PCSK2: variants seen among roughly 807,000 people sequenced by gnomAD.
PCSK2 encodes neuroendocrine convertase 2.
Under a neutral mutation model 69.7 loss-of-function variants are expected in PCSK2, and 14 were observed. That is an observed-to-expected ratio of 0.20 (90% confidence interval 0.13 to 0.31). The LOEUF (loss-of-function observed/expected upper bound fraction) is 0.31, where lower values mean the gene tolerates loss of function less well. Among genes scored for constraint, PCSK2 ranks in the 10% least tolerant of loss-of-function variants. The pLI, the probability that PCSK2 is intolerant of heterozygous loss-of-function variation, is 1.00. For synonymous variants in PCSK2, 307 were observed against 320.7 expected, an observed-to-expected ratio of 0.96 and a Z score of 0.46; for missense variants, 544 against 842.5, an observed-to-expected ratio of 0.65 and a Z score of 4.39.
intron 6 of PCSK2, among the ~76,000 whole-genome samples, chr20:17,417,041 G>A (rs2032015316): frequency 6.7e-6 from 1 of 149,508 alleles, no homozygotes; most frequent in African/African-American, 2.4e-5. Context: ...GCAGACTGGG[G>A]GAGGGGTAGC....
intron 1 of PCSK2, among the ~76,000 whole-genome samples, chr20:17,254,108 G>A (rs1014337722): frequency 2.6e-5 from 4 of 152,070 alleles, no homozygotes; most frequent in Non-Finnish European, 5.9e-5. Context: ...ATTCCTGTGC[G>A]AGATCCTTAT....
intron 8 of PCSK2, among the ~76,000 whole-genome samples, chr20:17,440,520 A>T (rs753583385): frequency 3.3e-5 from 5 of 152,198 alleles, no homozygotes; most frequent in Non-Finnish European, 7.3e-5. Flanking sequence ...TCTGTGTTGA[A>T]GAAACAGAGG....
At chr20:17,458,565 G>C (rs2032963055) in intron 10 of PCSK2, among the ~76,000 whole-genome samples, 1 of 152,204 alleles carries the variant, frequency 6.6e-6, no homozygotes, top group Non-Finnish European at 1.5e-5. Flanking sequence ...TGAGAGCCCA[G>C]AGGGATGAGG....
At chr20:17,475,221 A>G (rs533523524) in intron 11 of PCSK2, among the ~76,000 whole-genome samples, 2 of 151,712 alleles carry the variant, frequency 1.3e-5, no homozygotes, top group Non-Finnish European at 2.9e-5. Flanking sequence ...GGTTTTATGT[A>G]TTCTTATTTC....
intron 7 of PCSK2, among the ~76,000 whole-genome samples, chr20:17,431,174 A>T (rs1176235046): frequency 6.6e-6 from 1 of 152,158 alleles, no homozygotes; most frequent in Non-Finnish European, 1.5e-5. Context: ...AGGCCAACGA[A>T]GTGAGTCTCA....
chr20:17,241,667 T>C (rs1986577371), intron 1 of PCSK2, among the ~76,000 whole-genome samples: 2 of 152,186 alleles, frequency 1.3e-5, no homozygotes, highest in South Asian at 4.1e-4. Context: ...TTAATTATTG[T>C]CCTTGTAGTC....
At chr20:17,286,382 G>A (rs1419569307) in intron 2 of PCSK2, among the ~76,000 whole-genome samples, 1 of 152,226 alleles carries the variant, frequency 6.6e-6, no homozygotes, top group East Asian at 1.9e-4. Context: ...GCAGGAGGAA[G>A]AATGTTAGAG....
In PCSK2 at chr20:17,396,285, C is replaced by T. The variant is rs147260524; in HGVS notation, c.544-12978C>T. 3.2e-3 allele frequency among the ~76,000 whole-genome samples: 485 copies of T among 152,284 alleles called. 1 individual carries two copies. Among genetic ancestry groups the T allele is most frequent in the Non-Finnish European group, 4.3e-3 (291 of 68,010 alleles). ...CTCCAAGAATCAGGCTTCAATTGTA[C>T]TTTGAGCCAGCTACACTGGGCCCCT... is the stretch of plus-strand genomic sequence containing the variant. On this transcript the variant is annotated intron_variant, in intron 5 of 11. Transcript: ENST00000262545.
intron 2 of PCSK2, among the ~76,000 whole-genome samples, chr20:17,323,561 G>T (rs543491869): frequency 2.6e-5 from 4 of 152,130 alleles, no homozygotes; most frequent in African/African-American, 9.7e-5. Context: ...GTGGAGCCAG[G>T]GTTCTAACTT....
intron 2 of PCSK2, among the ~76,000 whole-genome samples, chr20:17,277,896 A>C (rs1988152040): frequency 6.6e-6 from 1 of 152,170 alleles, no homozygotes; most frequent in Non-Finnish European, 1.5e-5. Flanking sequence ...AACCCCATCA[A>C]AAAGTGGGCG....
At chr20:17,235,815 T>A (rs564339829) in intron 1 of PCSK2, among the ~76,000 whole-genome samples, 1 of 152,116 alleles carries the variant, frequency 6.6e-6, no homozygotes, top group East Asian at 1.9e-4. Context: ...AAAAAGTGAA[T>A]CCTTCCATTT....
At chr20:17,372,413 AAATAAATAAATAAAT>A (rs2030796876) in intron 5 of PCSK2, among the ~76,000 whole-genome samples, 1 of 150,154 alleles carries the variant, frequency 6.7e-6, no homozygotes, top group African/African-American at 2.4e-5. Flanking sequence ...ATAAATAAAT[AAATAAATAAATAAAT>A]AAAAATAAAA....
chr20:17,309,699 T>A (rs770698390), intron 2 of PCSK2, among the ~76,000 whole-genome samples: 84 of 152,120 alleles, frequency 5.5e-4, no homozygotes, highest in Non-Finnish European at 7.8e-4. Context: ...GTGCCTGTAA[T>A]CCCTGCTACT....
At chr20:17,461,500 T>C (rs917876013) in intron 10 of PCSK2, among the ~76,000 whole-genome samples, 1 of 152,142 alleles carries the variant, frequency 6.6e-6, no homozygotes, top group Non-Finnish European at 1.5e-5. Context: ...CAGATAAAGA[T>C]CAGATCCAAC....
At chr20:17,370,862 T>C (rs2030737942) in intron 5 of PCSK2, among the ~76,000 whole-genome samples, 1 of 152,174 alleles carries the variant, frequency 6.6e-6, no homozygotes, top group South Asian at 2.1e-4. Context: ...TGCATTGCAT[T>C]TTCTCCAAGG....
Position 17,416,993 on chromosome 20 carries a change from C to T in PCSK2, c.620+7654C>T, listed in dbSNP as rs368588266. Reference sequence around the variant, plus strand: ...ACAATGAGAACACTTGGACACAGGGCGGGGAACATCACACACCAGGGCCTG... The same window carrying T: ...ACAATGAGAACACTTGGACACAGGGTGGGGAACATCACACACCAGGGCCTG... On this transcript the variant is annotated intron_variant, in intron 6 of 11. Coordinates refer to ENST00000262545, the MANE Select transcript of PCSK2 (RefSeq NM_002594.5). Among the ~76,000 whole-genome samples the T allele has an allele frequency of 4.6e-5, 7 of 151,980 alleles. No individual in the cohort carries two copies. The East Asian group carries it at 5.8e-4, about 13-fold the overall frequency.
At chr20:17,249,550 C>T (rs1391527497) in intron 1 of PCSK2, among the ~76,000 whole-genome samples, 1 of 151,514 alleles carries the variant, frequency 6.6e-6, no homozygotes, top group African/African-American at 2.4e-5. Context: ...ACAGGTACAC[C>T]TATGTTCATG....
chr20:17,456,634 TAC>T (rs140308090), intron 10 of PCSK2, among the ~76,000 whole-genome samples, 186 bp downstream of exon 10: 9 of 152,062 alleles, frequency 5.9e-5, no homozygotes, highest in African/African-American at 1.7e-4. Context: ...TGCGTGTGCA[TAC>T]ACACACACAC....
intron 5 of PCSK2, among the ~76,000 whole-genome samples, chr20:17,406,938 T>C (rs2031764240): frequency 6.6e-6 from 1 of 151,922 alleles, no homozygotes; most frequent in Admixed American, 6.6e-5. Flanking sequence ...TCATCATCTG[T>C]CCACTCTGGC....
Sources: gnomAD v4.1 joint callset for allele counts (sites outside exome capture counted in the v4.1 genomes callset) on GRCh38, gnomAD v4.1.1 for gene constraint, MANE v1.5 for transcripts, NCBI Gene and HGNC (gene_info 2026-07-23, HGNC 2026-07-21) for gene names.